C3orf33: variants seen among roughly 807,000 people sequenced by gnomAD.
C3orf33 encodes mitochondrial inner membrane subdomain organizer 1.
Under a neutral mutation model 28.7 loss-of-function variants are expected in C3orf33, and 23 were observed. The ratio of observed to expected loss-of-function variants is 0.80; its 90% CI spans 0.58 to 1.13. C3orf33 has a LOEUF of 1.13. C3orf33 is among the 50% of genes most tolerant of loss of function. C3orf33 has a pLI of 0.00. For missense variants in C3orf33, 327 were observed against 353.4 expected (o/e 0.93, Z 0.60); for synonymous variants, 119 against 120.5 (o/e 0.99, Z 0.08).
chr3:155,782,881 A>G (rs1577423998), intron 2 of C3orf33, among the ~76,000 whole-genome samples: 1 of 152,206 alleles, frequency 6.6e-6, no homozygotes, highest in East Asian at 1.9e-4. Context: ...TTGTAACTCC[A>G]CTTTTTGTTT....
intron 2 of C3orf33, among the ~76,000 whole-genome samples, chr3:155,783,278 C>T (rs1750994152): frequency 6.6e-6 from 1 of 151,832 alleles, no homozygotes; most frequent in South Asian, 2.1e-4. Flanking sequence ...CCTCAGCCTC[C>T]CGAGTAGCTG....
At chr3:155,776,363 GGAC>G (rs1750746453) in intron 2 of C3orf33, among the ~76,000 whole-genome samples, 1 of 152,018 alleles carries the variant, frequency 6.6e-6, no homozygotes, top group Non-Finnish European at 1.5e-5. Context: ...GCCAACATTA[GGAC>G]TGTACTACAA....
chr3:155,767,471 GAAT>G (rs754817181), intron 4 of C3orf33, 35 bp downstream of exon 4: 1 of 1,398,952 alleles, frequency 7.1e-7, no homozygotes. Flanking sequence ...GTAATAAGAA[GAAT>G]AAGATATTGC....
rs1468647415 is a variant in C3orf33, at chr3:155,778,811, G to A, written c.175-2963C>T. On this transcript the variant is annotated intron_variant, in intron 2 of 4. Transcript: ENST00000340171. ...ATGAATTAATCAATGTCAATAGAAA[G>A]TGGTACTCTAGGGGTAATCTATGGA... Among the ~76,000 whole-genome samples, 6 of 152,178 alleles carry A rather than the reference G, an allele frequency of 3.9e-5. No individual in the cohort carries two copies. In the South Asian group the frequency reaches 1.0e-3, roughly 26 times the overall value.
intron 2 of C3orf33, among the ~76,000 whole-genome samples, chr3:155,792,625 T>TA (rs1189248775): frequency 6.6e-6 from 1 of 151,868 alleles, no homozygotes; most frequent in Admixed American, 6.6e-5. Flanking sequence ...CAGATAAACT[T>TA]AACAAAGAGA....
At position 155,763,634 on chromosome 3, in the gene C3orf33, ACTTT is replaced by A; in HGVS notation, c.764_767del (p.Glu255ValfsTer17). On this transcript the variant is annotated frameshift_variant, in exon 5 of 5. Coordinates refer to ENST00000340171, the MANE Select transcript of C3orf33 (RefSeq NM_001308229.2). LOFTEE classifies it high-confidence loss of function. ...AAGTCCTTTTAAGTTTTTCATAATA[ACTTT>A]CTTTTTTCAAGCTGAAATCTGATCC... The A allele has an allele frequency of 2.5e-6, 4 of 1,596,408 alleles. No homozygotes were observed. The South Asian group carries it at 3.5e-5, about 14-fold the overall frequency.
intron 2 of C3orf33, among the ~76,000 whole-genome samples, chr3:155,779,475 A>G (rs1312860895): frequency 6.6e-6 from 1 of 152,126 alleles, no homozygotes; most frequent in Admixed American, 6.6e-5. Flanking sequence ...TTATATTTTA[A>G]GTAGAGACAA....
At chr3:155,786,517 T>G (rs1387040211) in intron 2 of C3orf33, among the ~76,000 whole-genome samples, 1 of 151,916 alleles carries the variant, frequency 6.6e-6, no homozygotes. Flanking sequence ...ATAGATGAAA[T>G]GGATAAATTC....
At chr3:155,800,802 G>A (rs901037127) in intron 2 of C3orf33, among the ~76,000 whole-genome samples, 1 of 151,778 alleles carries the variant, frequency 6.6e-6, no homozygotes, top group African/African-American at 2.4e-5. Flanking sequence ...AAGCATATAT[G>A]AAGGGCCAAT....
chr3:155,786,508 T>C (rs1751118978), intron 2 of C3orf33, among the ~76,000 whole-genome samples: 1 of 151,952 alleles, frequency 6.6e-6, no homozygotes, highest in East Asian at 1.9e-4. Context: ...TTGGATAACA[T>C]AGATGAAATG....
intron 3 of C3orf33, among the ~76,000 whole-genome samples, chr3:155,767,871 ACT>A (rs1471779709): frequency 6.6e-6 from 1 of 151,740 alleles, no homozygotes; most frequent in Non-Finnish European, 1.5e-5. Flanking sequence ...AATTTCAAAA[ACT>A]CATTTTTTTT....
chr3:155,788,144 T>C (rs1205411099), intron 2 of C3orf33, among the ~76,000 whole-genome samples: 1 of 151,714 alleles, frequency 6.6e-6, no homozygotes, highest in Non-Finnish European at 1.5e-5. Flanking sequence ...TGAGCCGAGA[T>C]TGTGCCACTG....
chr3:155,766,878 A>C (rs538526953), intron 4 of C3orf33, among the ~76,000 whole-genome samples: 1 of 152,190 alleles, frequency 6.6e-6, no homozygotes, highest in South Asian at 2.1e-4. Context: ...TAAACCTGGG[A>C]GGCAGAGATT....
rs188410971 is a variant in C3orf33, at chr3:155,777,593, C to T, written c.175-1745G>A. Among the ~76,000 whole-genome samples the T allele has an allele frequency of 1.2e-3, 176 of 152,160 alleles. 1 individual carries two copies. Among genetic ancestry groups the T allele is most frequent in the African/African-American group, 4.0e-3 (168 of 41,534 alleles). On this transcript the variant is annotated intron_variant, in intron 2 of 4. Transcript: ENST00000340171. ...GTAGGACTACAGGTGTGCACCACTA[C>T]ACCTGGTTAATTTTTAAATTTTTTG...
intron 2 of C3orf33, among the ~76,000 whole-genome samples, chr3:155,799,603 C>A (rs562983380): frequency 6.6e-6 from 1 of 152,222 alleles, no homozygotes; most frequent in East Asian, 1.9e-4. Flanking sequence ...ATGAGAGGAT[C>A]GCTTGAGCCC....
chr3:155,775,141 T>C (rs561417706), intron 3 of C3orf33, among the ~76,000 whole-genome samples: 1 of 152,262 alleles, frequency 6.6e-6, no homozygotes, highest in East Asian at 1.9e-4. Flanking sequence ...TTCTAGACCA[T>C]AATAGGTGCT....
intron 2 of C3orf33, among the ~76,000 whole-genome samples, chr3:155,780,565 C>A (rs905159110): frequency 2.6e-5 from 4 of 152,112 alleles, no homozygotes; most frequent in Non-Finnish European, 4.4e-5. Flanking sequence ...CAACCAGTAA[C>A]TGAAGGAATA....
At chr3:155,799,953 T>C (rs1751592274) in intron 2 of C3orf33, among the ~76,000 whole-genome samples, 1 of 152,056 alleles carries the variant, frequency 6.6e-6, no homozygotes, top group Admixed American at 6.6e-5. Context: ...GTGGGGTTGG[T>C]TAATGGGTAT....
intron 2 of C3orf33, among the ~76,000 whole-genome samples, chr3:155,792,845 C>CA (rs1237246109): frequency 1.3e-5 from 2 of 151,916 alleles, no homozygotes; most frequent in African/African-American, 4.8e-5. Flanking sequence ...AAAATAGCCT[C>CA]AAAGGGGCTA....
Sources: allele counts gnomAD v4.1 joint callset (sites outside exome capture counted in the v4.1 genomes callset), GRCh38; gene constraint gnomAD v4.1.1; transcripts MANE v1.5; gene names NCBI Gene and HGNC (gene_info 2026-07-23, HGNC 2026-07-21).